The following CDH12 variants were observed in gnomAD, a reference collection of about 807,000 sequenced individuals.
CDH12 encodes the protein cadherin 12, also known as cadherin-12.
In CDH12, 41 loss-of-function variants were observed where a neutral mutation model predicts 74.1. That is an observed-to-expected ratio of 0.55 (90% confidence interval 0.43 to 0.72). CDH12 has a LOEUF of 0.72. Among genes scored for constraint, CDH12 ranks in the 30% least tolerant of loss-of-function variants. The pLI is 0.00. For missense variants in CDH12, 945 were observed against 977.2 expected (o/e 0.97, Z 0.44); for synonymous variants, 399 against 355.0 (o/e 1.12, Z -1.39).
chr5:21,769,073 C>T (rs1745180174), intron 11 of CDH12, among the ~76,000 whole-genome samples: 2 of 152,016 alleles, frequency 1.3e-5, no homozygotes, highest in African/African-American at 2.4e-5. Flanking sequence ...CTAGTCCATT[C>T]GTGATAAAAA....
chr5:22,654,098 T>C (rs1739886303), intron 1 of CDH12, among the ~76,000 whole-genome samples: 1 of 150,204 alleles, frequency 6.7e-6, no homozygotes, highest in Non-Finnish European at 1.5e-5. Flanking sequence ...CTTTCTTCCT[T>C]CCTTCCTTCC....
In CDH12 at chr5:22,321,699, T is replaced by C. The variant is rs1421248704; in HGVS notation, c.-333+83558A>G. ...ATCACTATACTTTTGCATTTTTACA[T>C]TTAAGTAGCTTTTTTTAGACTATAG... On this transcript the variant is annotated intron_variant, in intron 3 of 14. Transcript: ENST00000382254. Among the ~76,000 whole-genome samples, 4 of 152,310 alleles carry C rather than the reference T, an allele frequency of 2.6e-5. No homozygotes were observed. The South Asian group carries it at 6.2e-4, about 24-fold the overall frequency.
intron 2 of CDH12, among the ~76,000 whole-genome samples, chr5:22,452,514 C>T (rs1040922082): frequency 3.9e-5 from 6 of 151,994 alleles, no homozygotes; most frequent in Non-Finnish European, 8.8e-5. Context: ...AATTTTTTAT[C>T]CACATGCGGA....
intron 1 of CDH12, among the ~76,000 whole-genome samples, chr5:22,612,660 A>G (rs1279116275): frequency 6.6e-6 from 1 of 152,084 alleles, no homozygotes; most frequent in African/African-American, 2.4e-5. Context: ...ATCATTTGGT[A>G]TTTAAATTGA....
Position 21,973,031 on chromosome 5 carries a change from C to A in CDH12, c.526+2060G>T, listed in dbSNP as rs1262163341. 2.7e-5 allele frequency among the ~76,000 whole-genome samples: 4 copies of A among 145,840 alleles called. No homozygotes were observed. In the East Asian group the frequency reaches 7.9e-4, roughly 29 times the overall value. On this transcript the variant is annotated intron_variant, in intron 6 of 14. Transcript: ENST00000382254. The stretch of plus-strand genomic sequence containing the variant: ...ACAGCCTGGGCAACATAGCTAGATC[C>A]CTTCTCTACAAAAAGTAAAAAAAAA...
chr5:21,790,881 A>G (rs938697482), intron 10 of CDH12, among the ~76,000 whole-genome samples: 14 of 152,084 alleles, frequency 9.2e-5, no homozygotes, highest in Non-Finnish European at 1.3e-4. Flanking sequence ...GCTCCCACAC[A>G]AACTCGTACA....
At chr5:22,510,912 G>A (rs78188842) in intron 1 of CDH12, among the ~76,000 whole-genome samples, 3 of 144,716 alleles carry the variant, frequency 2.1e-5, no homozygotes, top group Non-Finnish European at 4.5e-5. Flanking sequence ...TTTTTTTTCC[G>A]AGACAGAGTT....
intron 4 of CDH12, among the ~76,000 whole-genome samples, chr5:22,197,416 C>A (rs1423284417): frequency 6.6e-6 from 1 of 152,128 alleles, no homozygotes; most frequent in Non-Finnish European, 1.5e-5. Flanking sequence ...CACTGCACTC[C>A]AGCCTGGGCA....
chr5:22,753,261 C>A (rs1006936118), intron 1 of CDH12, among the ~76,000 whole-genome samples: 6 of 151,842 alleles, frequency 4.0e-5, no homozygotes, highest in Non-Finnish European at 7.4e-5. Context: ...TGGTGATGAA[C>A]CCTGTCTCTA....
At chr5:22,686,905 C>CCTTA (rs1741825043) in intron 1 of CDH12, among the ~76,000 whole-genome samples, 1 of 151,792 alleles carries the variant, frequency 6.6e-6, no homozygotes, top group Non-Finnish European at 1.5e-5. Flanking sequence ...GTTAAAAATA[C>CCTTA]TCTCTTTTTC....
chr5:22,302,629 T>C (rs3112470), intron 3 of CDH12, among the ~76,000 whole-genome samples: 84,041 of 151,918 alleles, frequency 0.55, 23,822 homozygotes, highest in Non-Finnish European at 0.62. Context: ...CATTGGAACA[T>C]ATAAAATTCT....
chr5:21,878,646 G>A lies in CDH12; in HGVS notation c.527-23856C>T, dbSNP rs183378996. 7.4e-3 allele frequency among the ~76,000 whole-genome samples: 1,123 copies of A among 151,802 alleles called. 7 individuals are homozygous for A. The highest frequency in any genetic ancestry group is 0.011 in the Non-Finnish European group (747 of 67,966). Reference sequence around the variant, plus strand: ...GGTCCCAGCTACTTGGGAAGATGAGGTGGGAGGGTCACTGGAGAATGAGAA... The same window carrying A: ...GGTCCCAGCTACTTGGGAAGATGAGATGGGAGGGTCACTGGAGAATGAGAA... On this transcript the variant is annotated intron_variant, in intron 6 of 14. Transcript: ENST00000382254.
intron 3 of CDH12, among the ~76,000 whole-genome samples, chr5:22,317,306 A>T (rs575489209): frequency 1.3e-5 from 2 of 152,228 alleles, no homozygotes; most frequent in South Asian, 4.1e-4. Flanking sequence ...CTACAGAGTG[A>T]GTCTCTGTCT....
intron 1 of CDH12, among the ~76,000 whole-genome samples, chr5:22,656,880 C>T (rs1740065574): frequency 6.6e-6 from 1 of 152,012 alleles, no homozygotes; most frequent in South Asian, 2.1e-4. Context: ...CTCTGTTGCT[C>T]AGGCTGGAGT....
chr5:22,792,209 T>TG (rs1022068473), intron 1 of CDH12, among the ~76,000 whole-genome samples: 22 of 151,280 alleles, frequency 1.5e-4, no homozygotes, highest in African/African-American at 5.3e-4. Flanking sequence ...CTGCCTCAGC[T>TG]GCCCAAGTAG....
intron 1 of CDH12, among the ~76,000 whole-genome samples, chr5:22,524,069 C>A (rs1466844687): frequency 6.6e-6 from 1 of 151,418 alleles, no homozygotes; most frequent in East Asian, 1.9e-4. Flanking sequence ...GCAGCCTTGA[C>A]CTCCCTGGGC....
intron 3 of CDH12, among the ~76,000 whole-genome samples, chr5:22,286,673 CT>C (rs2150410536): frequency 1.8e-5 from 1 of 54,244 alleles, no homozygotes; most frequent in East Asian, 6.0e-4. Context: ...TTCATTCTTT[CT>C]TTCCTTTTTT....
At chr5:22,013,772 T>C (rs1472682001) in intron 5 of CDH12, among the ~76,000 whole-genome samples, 2 of 152,182 alleles carry the variant, frequency 1.3e-5, no homozygotes, top group Non-Finnish European at 2.9e-5. Flanking sequence ...ATAAATGACA[T>C]ATGGGTTTTT....
Position 21,802,179 on chromosome 5 carries a change from C to T in CDH12, c.1244G>A (p.Ser415Asn), listed in dbSNP as rs1413594161. The change falls in exon 10 of 15, where the codon AGC becomes AAC. Residue 415 changes from serine to asparagine, a missense_variant. Physicochemically the swap from Ser to Asn is conservative, Grantham distance 46 (BLOSUM62 1). Coordinates refer to ENST00000382254, the MANE Select transcript of CDH12 (RefSeq NM_004061.5). Reference protein sequence around the residue: ...AVTAQDLDVGSSAVRYFIDWK... With the variant: ...AVTAQDLDVGNSAVRYFIDWK... ...TTCTTTTTCTCACCTAACAGCACTG[C>T]TGCCTACATCCAGGTCTTGAGCAGT... 6.2e-7 allele frequency: 1 copy of T among 1,613,626 alleles called. No homozygotes were observed. The highest frequency in any genetic ancestry group is 8.5e-7 in the Non-Finnish European group (1 of 1,179,740).
Sources: allele counts gnomAD v4.1 joint callset (sites outside exome capture counted in the v4.1 genomes callset), GRCh38; gene constraint gnomAD v4.1.1; transcripts MANE v1.5; gene names NCBI Gene and HGNC (gene_info 2026-07-23, HGNC 2026-07-21).